Variants in PKNOX2 observed in about 807,000 individuals in gnomAD.
PKNOX2 encodes the protein PBX/knotted 1 homeobox 2.
A neutral mutation model predicts 53.1 loss-of-function variants in PKNOX2; 14 were observed. The ratio of observed to expected loss-of-function variants is 0.26; its 90% CI spans 0.17 to 0.41. PKNOX2 has a LOEUF of 0.41. Ranked by LOEUF, PKNOX2 falls within the 10% of genes least tolerant of loss-of-function variation. PKNOX2 has a pLI of 1.00. For synonymous variants in PKNOX2, 257 were observed against 242.8 expected, an observed-to-expected ratio of 1.06 and a Z score of -0.54; for missense variants, 496 against 602.8, an observed-to-expected ratio of 0.82 and a Z score of 1.85.
intron 10 of PKNOX2, among the ~76,000 whole-genome samples, chr11:125,427,049 C>T (rs1213815274): frequency 2.0e-5 from 3 of 152,222 alleles, no homozygotes; most frequent in Non-Finnish European, 4.4e-5. Flanking sequence ...CAAAAAATCA[C>T]CATATTTTTG....
At chr11:125,390,422 T>C (rs1332554044) in intron 6 of PKNOX2, among the ~76,000 whole-genome samples, 2 of 152,188 alleles carry the variant, frequency 1.3e-5, no homozygotes, top group Non-Finnish European at 2.9e-5. Context: ...CAGGTCTTGT[T>C]TCTCATTTTC....
rs998207640 is a variant in PKNOX2 at position 125,166,719 on chromosome 11, G to A, written c.-201+1943G>A. ...AAACTCCAGTGCCCTGATTGGAGCC[G>A]CTTCCTGTGCTTACCCGCGCCGGAC... is the stretch of plus-strand genomic sequence containing the variant. On this transcript the variant is annotated intron_variant, in intron 1 of 12. Transcript: ENST00000298282. This position sits in a 1 kb window ranked among gnomAD's most constrained non-coding sequence, Gnocchi z 4.0. 2.0e-5 allele frequency among the ~76,000 whole-genome samples: 3 copies of A among 152,170 alleles called. No individual in the cohort carries two copies. Among genetic ancestry groups the A allele is most frequent in the African/African-American group, 7.2e-5 (3 of 41,454 alleles).
chr11:125,315,818 C>T (rs1482083400), intron 2 of PKNOX2, among the ~76,000 whole-genome samples: 1 of 152,046 alleles, frequency 6.6e-6, no homozygotes, highest in Non-Finnish European at 1.5e-5. Context: ...TCCCCAGTGC[C>T]ACCCCCTACC....
intron 2 of PKNOX2, among the ~76,000 whole-genome samples, chr11:125,278,984 C>T (rs1388249266): frequency 1.3e-5 from 2 of 152,150 alleles, no homozygotes; most frequent in Non-Finnish European, 1.5e-5. Context: ...CTGGCTGAGC[C>T]GGGAGACCAC....
chr11:125,406,098 G>T (rs1204567858), intron 7 of PKNOX2, among the ~76,000 whole-genome samples: 1 of 152,202 alleles, frequency 6.6e-6, no homozygotes, highest in Non-Finnish European at 1.5e-5. Flanking sequence ...AGACACAGTG[G>T]CATCTACCTG....
chr11:125,263,558 G>A (rs1196474359), intron 2 of PKNOX2, among the ~76,000 whole-genome samples: 2 of 152,218 alleles, frequency 1.3e-5, no homozygotes, highest in Non-Finnish European at 2.9e-5. Flanking sequence ...CACTTTCTCA[G>A]AACAATTCCC....
intron 2 of PKNOX2, among the ~76,000 whole-genome samples, chr11:125,331,372 C>A (rs372619148): frequency 6.8e-6 from 1 of 146,476 alleles, no homozygotes; most frequent in African/African-American, 2.5e-5. Flanking sequence ...AGACCCCAGT[C>A]GAAGCCCACT....
chr11:125,274,058 G>A (rs1357470177), intron 2 of PKNOX2, among the ~76,000 whole-genome samples: 2 of 152,320 alleles, frequency 1.3e-5, no homozygotes, highest in South Asian at 2.1e-4. Flanking sequence ...GGTTAGAGTT[G>A]GAGGACCTCA....
intron 2 of PKNOX2, among the ~76,000 whole-genome samples, chr11:125,289,946 C>A (rs1201646346): frequency 1.3e-5 from 2 of 152,200 alleles, no homozygotes; most frequent in Non-Finnish European, 2.9e-5. Context: ...TGGGTCTTTC[C>A]TGGCAACCAC....
Position 125,367,902 on chromosome 11 carries a change from C to G in PKNOX2, c.144C>G (p.Pro48=), listed in dbSNP as rs950605642. 6.2e-7 allele frequency: 1 copy of G among 1,613,834 alleles called. No individual in the cohort carries two copies. The highest frequency in any genetic ancestry group is 8.5e-7 in the Non-Finnish European group (1 of 1,179,956). The change falls in exon 5 of 13, where the codon CCC becomes CCG. Residue 48 remains proline, a synonymous_variant. Coordinates refer to ENST00000298282, the MANE Select transcript of PKNOX2 (RefSeq NM_001382323.2). ...SKAQAVHISA[P]SAAASTPVPS... ...CCCAGGCTGTCCACATCTCTGCCCC[C>G]TCAGCTGCTGCCAGCACACCTGTGC...
chr11:125,225,184 C>T (rs764180317), intron 1 of PKNOX2, among the ~76,000 whole-genome samples: 12 of 152,138 alleles, frequency 7.9e-5, no homozygotes, highest in Non-Finnish European at 1.3e-4. Context: ...GGTTCTGAAA[C>T]GCCTGCTGGG....
At chr11:125,388,821 C>T (rs1046937008) in intron 6 of PKNOX2, among the ~76,000 whole-genome samples, 5 of 152,140 alleles carry the variant, frequency 3.3e-5, no homozygotes, top group African/African-American at 1.2e-4. Context: ...TCAGTGGGAA[C>T]CTCCCTCCCT....
chr11:125,349,248 T>C (rs73618165), intron 3 of PKNOX2, among the ~76,000 whole-genome samples: 6,693 of 152,000 alleles, frequency 0.044, 483 homozygotes, highest in African/African-American at 0.15. Flanking sequence ...CCCCACCTTT[T>C]TCCCTCTGCA....
intron 2 of PKNOX2, among the ~76,000 whole-genome samples, chr11:125,251,250 T>G (rs1221322677): frequency 6.6e-6 from 1 of 152,210 alleles, no homozygotes; most frequent in Non-Finnish European, 1.5e-5. Flanking sequence ...GTTGAATATT[T>G]TTATTTATTA....
intron 2 of PKNOX2, among the ~76,000 whole-genome samples, chr11:125,313,674 C>T (rs954979136): frequency 3.9e-5 from 6 of 152,224 alleles, no homozygotes; most frequent in East Asian, 1.9e-4. Flanking sequence ...TTCAGCACAT[C>T]GCAGGGCCTC....
intron 2 of PKNOX2, among the ~76,000 whole-genome samples, chr11:125,257,467 T>C (rs1395849414): frequency 6.6e-6 from 1 of 152,212 alleles, no homozygotes; most frequent in African/African-American, 2.4e-5. Flanking sequence ...CCCAGTAGGA[T>C]ACCTCCATGT....
rs918675610 is a variant in PKNOX2, at chr11:125,397,862, C to G, written c.400-12C>G. ...GCAAACACCTGGGCTCACCTCTCCT[C>G]CCTCTCCACAGATGGTGAAGGCAAT... On this transcript the variant is annotated splice_polypyrimidine_tract_variant and intron_variant, in intron 6 of 12. Transcript: ENST00000298282. 78 of 1,601,958 alleles carry G rather than the reference C, an allele frequency of 4.9e-5. No individual in the cohort carries two copies. The highest frequency in any genetic ancestry group is 5.7e-5 in the Non-Finnish European group (67 of 1,174,288).
chr11:125,371,229 G>A (rs1199887292), intron 5 of PKNOX2, among the ~76,000 whole-genome samples: 1 of 152,120 alleles, frequency 6.6e-6, no homozygotes, highest in Non-Finnish European at 1.5e-5. Flanking sequence ...CAGATCCCAT[G>A]ATTGGATGCA....
chr11:125,213,738 G>A (rs995869432), intron 1 of PKNOX2, among the ~76,000 whole-genome samples: 8 of 152,122 alleles, frequency 5.3e-5, no homozygotes, highest in Non-Finnish European at 1.0e-4. Context: ...GATTACAGGC[G>A]TGAGCCACTG....
Sources: allele counts gnomAD v4.1 joint callset (sites outside exome capture counted in the v4.1 genomes callset), GRCh38; gene constraint gnomAD v4.1.1; non-coding constraint Gnocchi (gnomAD v3.1); transcripts MANE v1.5; gene names NCBI Gene and HGNC (gene_info 2026-07-23, HGNC 2026-07-21).